RBFOX3: variants seen among roughly 807,000 people sequenced by gnomAD.
RBFOX3 encodes the protein RNA binding protein fox-1 homolog 3.
A neutral mutation model predicts 48.7 loss-of-function variants in RBFOX3; 17 were observed. The ratio of observed to expected loss-of-function variants is 0.35; its 90% CI spans 0.24 to 0.52. The LOEUF is 0.52. Ranked by LOEUF, RBFOX3 falls within the 20% of genes least tolerant of loss-of-function variation. The probability of loss-of-function intolerance (pLI) is 0.94; values close to 1 mark genes in which losing one functional copy is unlikely to be tolerated. For missense variants in RBFOX3, 382 were observed against 497.5 expected, an observed-to-expected ratio of 0.77 and a Z score of 2.21; for synonymous variants, 212 against 209.5, an observed-to-expected ratio of 1.01 and a Z score of -0.10.
At position 79,246,974 on chromosome 17, in the gene RBFOX3, G is replaced by A. The variant is rs528326853; in HGVS notation, c.-73-11169C>T. 4.8e-4 allele frequency among the ~76,000 whole-genome samples: 73 copies of A among 152,290 alleles called. 1 individual carries two copies. Among genetic ancestry groups the A allele is most frequent in the African/African-American group, 1.7e-3 (70 of 41,556 alleles). On this transcript the variant is annotated intron_variant, in intron 3 of 14. Transcript: ENST00000693108. ...GAGAACGCCGGCTTCTTAGATGAGC[G>A]CGTTTCATTATCAACAATTTAGACA... is the stretch of plus-strand genomic sequence containing the variant.
At chr17:79,401,229 C>G (rs1295529890) in intron 2 of RBFOX3, among the ~76,000 whole-genome samples, 1 of 152,234 alleles carries the variant, frequency 6.6e-6, no homozygotes, top group Non-Finnish European at 1.5e-5. Flanking sequence ...AGGTTCCACT[C>G]ACAGCCAGCT....
intron 4 of RBFOX3, among the ~76,000 whole-genome samples, chr17:79,232,699 G>GAA (rs34460209): frequency 6.6e-6 from 1 of 151,812 alleles, no homozygotes; most frequent in African/African-American, 2.4e-5. Flanking sequence ...AAGCATAGGC[G>GAA]AAAAAAAATC....
At chr17:79,476,277 C>T (rs1021551860) in intron 2 of RBFOX3, among the ~76,000 whole-genome samples, 34 of 152,374 alleles carry the variant, frequency 2.2e-4, no homozygotes, top group African/African-American at 4.1e-4. Context: ...CTGGGGAACT[C>T]GCCCACAGCG....
At chr17:79,540,303 G>A (rs1201061473) in intron 1 of RBFOX3, among the ~76,000 whole-genome samples, 1 of 152,220 alleles carries the variant, frequency 6.6e-6, no homozygotes, top group Non-Finnish European at 1.5e-5. Context: ...TCTAGAGCAG[G>A]GTCCGGGACT....
At chr17:79,408,532 C>G (rs1032240983) in intron 2 of RBFOX3, among the ~76,000 whole-genome samples, 7 of 152,200 alleles carry the variant, frequency 4.6e-5, no homozygotes, top group African/African-American at 1.7e-4. Flanking sequence ...GACCTCCGAA[C>G]CTGCGGGTTC....
At chr17:79,627,903 C>T in the RBFOX3 span, among the ~76,000 whole-genome samples, 1 of 152,084 alleles carries the variant, frequency 6.6e-6, no homozygotes, top group Non-Finnish European at 1.5e-5. Flanking sequence ...GAAGTACAAG[C>T]GTAGACAAAA....
chr17:79,638,190 A>G, the RBFOX3 span, among the ~76,000 whole-genome samples: 1 of 152,100 alleles, frequency 6.6e-6, no homozygotes, highest in Admixed American at 6.5e-5. Context: ...GGAAGTAGAA[A>G]AAGAGAAAAC....
intron 2 of RBFOX3, among the ~76,000 whole-genome samples, chr17:79,457,134 T>C (rs140334414): frequency 3.4e-4 from 52 of 152,298 alleles, no homozygotes; most frequent in Middle Eastern, 3.4e-3. Context: ...CCTGGGGGCA[T>C]GGCTGCCCTA....
chr17:79,093,826 CAG>C (rs1231723518), intron 14 of RBFOX3, among the ~76,000 whole-genome samples: 309 of 147,342 alleles, frequency 2.1e-3, no homozygotes, highest in Non-Finnish European at 3.2e-3. Flanking sequence ...CACACACACA[CAG>C]AGACACGCCA....
chr17:79,427,199 A>C (rs941930171), intron 2 of RBFOX3, among the ~76,000 whole-genome samples: 1 of 152,122 alleles, frequency 6.6e-6, no homozygotes, highest in East Asian at 1.9e-4. Flanking sequence ...AGACAGGCCC[A>C]CTCAGAATCT....
intron 1 of RBFOX3, among the ~76,000 whole-genome samples, chr17:79,584,769 A>ATT: frequency 1.2e-5 from 1 of 81,732 alleles, no homozygotes; most frequent in Non-Finnish European, 2.6e-5. Context: ...ATTTTTATTT[A>ATT]TTTATTTTTT....
chr17:79,288,585 C>G (rs1015107123), intron 3 of RBFOX3, among the ~76,000 whole-genome samples: 1 of 152,098 alleles, frequency 6.6e-6, no homozygotes, highest in Admixed American at 6.5e-5. Context: ...ACGTCTCTCC[C>G]CACCTCCTGC....
At chr17:79,282,688 G>A (rs1279518300) in intron 3 of RBFOX3, among the ~76,000 whole-genome samples, 2 of 152,188 alleles carry the variant, frequency 1.3e-5, no homozygotes, top group East Asian at 3.9e-4. Flanking sequence ...CCTCTGCCAC[G>A]CATCCGCCTG....
chr17:79,597,313 T>C (rs958585621), intron 1 of RBFOX3, among the ~76,000 whole-genome samples: 33 of 152,254 alleles, frequency 2.2e-4, no homozygotes, highest in Admixed American at 5.2e-4. Context: ...CCGGTTTGCA[T>C]TGGGAATGAG....
chr17:79,213,237 C>G (rs994307928), intron 4 of RBFOX3, among the ~76,000 whole-genome samples: 1 of 152,148 alleles, frequency 6.6e-6, no homozygotes. Flanking sequence ...GGTTGAGGGT[C>G]AAGGGTTTAG....
chr17:79,306,010 G>A (rs776217616), intron 3 of RBFOX3, among the ~76,000 whole-genome samples: 1 of 152,212 alleles, frequency 6.6e-6, no homozygotes, highest in Non-Finnish European at 1.5e-5. Flanking sequence ...AGCTAGAGTC[G>A]AGTTTCATAA....
At chr17:79,109,254 C>T (rs534797147) in intron 5 of RBFOX3, among the ~76,000 whole-genome samples, 3 of 152,196 alleles carry the variant, frequency 2.0e-5, no homozygotes, top group Admixed American at 1.3e-4. Flanking sequence ...TGTGCCACCC[C>T]CATCAGTGGG....
At chr17:79,097,193 A>G in intron 11 of RBFOX3, 99 bp downstream of exon 11, 1 of 973,394 alleles carries the variant, frequency 1.0e-6, no homozygotes, top group Non-Finnish European at 1.4e-6. Flanking sequence ...CAGGTCTGGA[A>G]AGGCTGCCTA....
intron 1 of RBFOX3, among the ~76,000 whole-genome samples, chr17:79,516,554 A>C (rs1336172135): frequency 6.6e-6 from 1 of 152,268 alleles, no homozygotes; most frequent in African/African-American, 2.4e-5. Context: ...CCCCGAGGTC[A>C]GAGTTCATCC....
Sources: allele counts gnomAD v4.1 joint callset (sites outside exome capture counted in the v4.1 genomes callset), GRCh38; gene constraint gnomAD v4.1.1; transcripts MANE v1.5; gene names NCBI Gene and HGNC (gene_info 2026-07-23, HGNC 2026-07-21).